The following SCYL2 variants were observed in gnomAD, a reference collection of about 807,000 sequenced individuals.
SCYL2 encodes SCY1-like protein 2.
In SCYL2, 36 loss-of-function variants were observed where a neutral mutation model predicts 100.4. The ratio of observed to expected loss-of-function variants is 0.36; its 90% confidence interval spans 0.27 to 0.47. The LOEUF is 0.47. SCYL2 is among the 20% of genes least tolerant of loss of function. The pLI is 1.00. For synonymous variants in SCYL2, 330 were observed against 359.2 expected, an observed-to-expected ratio of 0.92 and a Z score of 0.92; for missense variants, 902 against 1,083.9, an observed-to-expected ratio of 0.83 and a Z score of 2.36.
rs185511199 is a variant in SCYL2 at position 100,313,452 on chromosome 12, A to G, written c.883A>G (p.Asn295Asp). The G allele has an allele frequency of 2.3e-5, 37 of 1,604,644 alleles. 1 individual carries two copies. In the East Asian group the frequency reaches 6.9e-4, roughly 30 times the overall value. Residue 295 changes from asparagine to aspartate, a missense_variant, in exon 7 of 18, where the codon AAT (asparagine) becomes GAT (aspartate). Transcript: ENST00000360820. ...LSRLGSSSLT[N>D]IPEEVREHVK... ...TCGTTTAGGATCTAGTTCACTTACA[A>G]ATATACCTGAGGAAGTTCGTGAACA... is the stretch of plus-strand genomic sequence containing the variant.
In SCYL2 at chr12:100,267,563, C is replaced by G. The variant is rs1165999825; in HGVS notation, c.-258C>G. The G allele has an allele frequency of 1.3e-5, 2 of 152,618 alleles. No individual in the cohort carries two copies. The highest frequency in any genetic ancestry group is 1.5e-5 in the Non-Finnish European group (1 of 68,286). The allele number at this position is 152,618 out of a possible 1,614,324, so 9.5% of individuals were successfully genotyped here. A position where few individuals can be genotyped will look rare whatever the true frequency, so the allele number is the denominator to read the frequency against. On this transcript the variant is annotated 5_prime_UTR_variant, in exon 1 of 18. Transcript: ENST00000360820. ...TGGTGACGGGCCTGCCGGCGGCCGG[C>G]CGGGCGATCGGCGGTCGGCGCCCGC...
intron 10 of SCYL2, 35 bp downstream of exon 10, chr12:100,317,960 T>C (rs749540538): frequency 1.2e-5 from 18 of 1,517,914 alleles, no homozygotes; most frequent in Non-Finnish European, 1.6e-5. Flanking sequence ...TTAATGATGA[T>C]TTTGATTCTT....
chr12:100,271,260 C>CATAAAAAAAAAA (rs2096287333), intron 1 of SCYL2, among the ~76,000 whole-genome samples: 1 of 83,338 alleles, frequency 1.2e-5, no homozygotes, highest in Non-Finnish European at 2.3e-5. Flanking sequence ...TGCAGAGCAG[C>CATAAAAAAAAAA]AAAAAAAAAA....
intron 4 of SCYL2, among the ~76,000 whole-genome samples, chr12:100,306,588 T>C (rs2096334663): frequency 2.6e-5 from 4 of 151,984 alleles, no homozygotes; most frequent in Admixed American, 2.6e-4. Context: ...TTTTGAAAAC[T>C]GGCACAAATG....
At chr12:100,320,514 C>T (rs1409780061) in intron 10 of SCYL2, among the ~76,000 whole-genome samples, 1 of 151,668 alleles carries the variant, frequency 6.6e-6, no homozygotes, top group Non-Finnish European at 1.5e-5. Context: ...TGCCACTGCA[C>T]TCCAGCCTGG....
intron 1 of SCYL2, among the ~76,000 whole-genome samples, chr12:100,272,653 C>A (rs908083163): frequency 2.6e-5 from 4 of 152,134 alleles, no homozygotes; most frequent in South Asian, 4.1e-4. Context: ...AAACAACTGG[C>A]TTCTATATGT....
At chr12:100,334,053 A>G (rs994387988) in intron 13 of SCYL2, 113 bp from the exon 14 acceptor site, 25 of 647,976 alleles carry the variant, frequency 3.9e-5, no homozygotes, top group African/African-American at 3.5e-4. Context: ...ACTGGATCCT[A>G]TTCTACTGGT....
intron 10 of SCYL2, among the ~76,000 whole-genome samples, chr12:100,320,573 T>C (rs1184135244): frequency 1.2e-4 from 18 of 148,480 alleles, no homozygotes; most frequent in Admixed American, 1.2e-3. Flanking sequence ...AATAAATAAA[T>C]AAATAAATAA....
chr12:100,298,280 G>T, intron 4 of SCYL2, 105 bp downstream of exon 4: 1 of 796,698 alleles, frequency 1.3e-6, no homozygotes, highest in South Asian at 2.2e-5. Context: ...TAAACTTTTG[G>T]TTCTTGTTAG....
intron 3 of SCYL2, among the ~76,000 whole-genome samples, chr12:100,297,586 T>A (rs1286381912): frequency 1.3e-5 from 2 of 152,220 alleles, no homozygotes; most frequent in African/African-American, 4.8e-5. Flanking sequence ...TGACTACTCC[T>A]ATTCCAGGGT....
At chr12:100,298,307 C>T in intron 4 of SCYL2, 132 bp downstream of exon 4, 3 of 621,536 alleles carry the variant, frequency 4.8e-6, no homozygotes, top group Middle Eastern at 4.4e-4. Context: ...AGTCATTATT[C>T]CTATGTTCTG....
intron 4 of SCYL2, among the ~76,000 whole-genome samples, chr12:100,299,627 T>A (rs6538959): frequency 0.13 from 19,791 of 152,228 alleles, 1,594 homozygotes; most frequent in Non-Finnish European, 0.18. Context: ...ATGGTACCTA[T>A]TCTTTTTCGG....
At chr12:100,337,192 A>C (rs1289854047) in intron 16 of SCYL2, among the ~76,000 whole-genome samples, 195 bp from the exon 17 acceptor site, 1 of 152,164 alleles carries the variant, frequency 6.6e-6, no homozygotes, top group Non-Finnish European at 1.5e-5. Flanking sequence ...ACTTTTGCAC[A>C]GATCCTGTGA....
At chr12:100,316,924 A>C (rs2135909598) in intron 9 of SCYL2, among the ~76,000 whole-genome samples, 1 of 152,238 alleles carries the variant, frequency 6.6e-6, no homozygotes, top group South Asian at 2.1e-4. Flanking sequence ...CAACATGGTG[A>C]AACCCTGTCT....
Position 100,339,353 on chromosome 12 carries a change from T to C in SCYL2, c.*181T>C. On this transcript the variant is annotated 3_prime_UTR_variant, in exon 18 of 18. Transcript: ENST00000360820. The stretch of plus-strand genomic sequence containing the variant: ...ATGGACTTCTAACCAGTTGAGTTTT[T>C]TAAAGCATTGAGGATTTTTTCCTCT... 1.6e-6 allele frequency: 1 copy of C among 610,058 alleles called. No individual in the cohort carries two copies. The highest frequency in any genetic ancestry group is 2.7e-6 in the Non-Finnish European group (1 of 373,238). The allele number at this position is 610,058 out of a possible 1,614,324, so 37.8% of individuals were successfully genotyped here. A position where few individuals can be genotyped will look rare whatever the true frequency, so the allele number is the denominator to read the frequency against.
intron 13 of SCYL2, 36 bp from the exon 14 acceptor site, chr12:100,334,130 A>G: frequency 8.3e-7 from 1 of 1,201,752 alleles, no homozygotes; most frequent in Non-Finnish European, 1.2e-6. Flanking sequence ...TGCTAACTTG[A>G]AACATTGTAA....
At chr12:100,327,049 G>A (rs992519958) in intron 12 of SCYL2, 36 of 331,136 alleles carry the variant, frequency 1.1e-4, no homozygotes, top group Non-Finnish European at 1.6e-4. Context: ...TGGAAATGCT[G>A]ATACTGGTCT....
At chr12:100,284,890 G>A (rs906169782) in intron 2 of SCYL2, among the ~76,000 whole-genome samples, 1 of 152,040 alleles carries the variant, frequency 6.6e-6, no homozygotes, top group Non-Finnish European at 1.5e-5. Context: ...CTGTGGTGTC[G>A]GCCAGCCATG....
At position 100,339,155 on chromosome 12, in the gene SCYL2, A is replaced by G; in HGVS notation, c.2773A>G (p.Lys925Glu). The change falls in exon 18 of 18, where the codon AAA becomes GAA. Residue 925 changes from lysine (K) to glutamate (E), a missense_variant. Physicochemically the swap from Lys to Glu is moderately conservative, Grantham distance 56. Coordinates refer to ENST00000360820, the MANE Select transcript of SCYL2 (RefSeq NM_017988.6). The part of the protein sequence containing the change: ...TNSSSASNDL[K>E]DLFG ...TAGCAGTTCAGCTAGCAATGATTTA[A>G]AAGATCTTTTTGGGTGAGGTGTCTT... 1.9e-6 allele frequency: 3 copies of G among 1,612,556 alleles called. No individual in the cohort carries two copies. The highest frequency in any genetic ancestry group is 2.5e-6 in the Non-Finnish European group (3 of 1,179,326).
Sources: gnomAD v4.1 joint callset for allele counts (sites outside exome capture counted in the v4.1 genomes callset) on GRCh38, gnomAD v4.1.1 for gene constraint, MANE v1.5 for transcripts, NCBI Gene and HGNC (gene_info 2026-07-23, HGNC 2026-07-21) for gene names.